The following RSRC1 variants were observed in gnomAD, a reference collection of about 807,000 sequenced individuals.
The protein encoded by RSRC1 is arginine and serine rich coiled-coil 1.
A neutral mutation model predicts 49.1 loss-of-function variants in RSRC1; 39 were observed. That is an observed-to-expected ratio of 0.79 (90% CI 0.61 to 1.04). RSRC1 has a LOEUF of 1.04. Ranked by LOEUF, RSRC1 falls within the 50% of genes least tolerant of loss-of-function variation. The pLI, the probability that RSRC1 is intolerant of heterozygous loss-of-function variation, is 0.00. For missense variants in RSRC1, 388 were observed against 402.4 expected (o/e 0.96, Z 0.31); for synonymous variants, 143 against 130.8 (o/e 1.09, Z -0.63).
chr3:158,156,270 A>G (rs1394179596), intron 3 of RSRC1, among the ~76,000 whole-genome samples: 1 of 151,774 alleles, frequency 6.6e-6, no homozygotes, highest in Non-Finnish European at 1.5e-5. Context: ...TAGCTTTCTC[A>G]CCTCTTTTAG....
At chr3:158,481,342 C>A (rs929016516) in intron 7 of RSRC1, among the ~76,000 whole-genome samples, 2 of 152,044 alleles carry the variant, frequency 1.3e-5, no homozygotes, top group Non-Finnish European at 2.9e-5. Flanking sequence ...ATAGCTAAAC[C>A]CTAACCACAG....
intron 4 of RSRC1, among the ~76,000 whole-genome samples, chr3:158,296,649 T>C (rs570863622): frequency 2.6e-5 from 4 of 152,064 alleles, no homozygotes; most frequent in Non-Finnish European, 4.4e-5. Context: ...TTTATATAGA[T>C]AGTAGCCTTC....
chr3:158,357,966 GA>G, intron 6 of RSRC1, among the ~76,000 whole-genome samples: 1 of 152,142 alleles, frequency 6.6e-6, no homozygotes, highest in East Asian at 1.9e-4. Flanking sequence ...AGTCCCAGAA[GA>G]AAGTTTTATA....
chr3:158,540,860 A>G (rs1427506191), intron 8 of RSRC1, among the ~76,000 whole-genome samples: 1 of 152,190 alleles, frequency 6.6e-6, no homozygotes, highest in African/African-American at 2.4e-5. Flanking sequence ...ATAAACAGCT[A>G]TAGAACTTGA....
At chr3:158,348,689 T>A (rs1171173749) in intron 5 of RSRC1, among the ~76,000 whole-genome samples, 2 of 152,116 alleles carry the variant, frequency 1.3e-5, no homozygotes, top group African/African-American at 4.8e-5. Context: ...ATCCACATAT[T>A]GGACATTGTA....
intron 7 of RSRC1, chr3:158,469,734 C>T (rs1738043092): frequency 6.6e-6 from 1 of 152,066 alleles, no homozygotes; most frequent in African/African-American, 2.4e-5. Context: ...TGGTAAGTGC[C>T]TGAATCAGGC....
intron 5 of RSRC1, among the ~76,000 whole-genome samples, chr3:158,329,163 T>C (rs1181319920): frequency 1.3e-5 from 2 of 152,224 alleles, no homozygotes; most frequent in Non-Finnish European, 2.9e-5. Context: ...GGTTTTTATC[T>C]TCTTTGCATT....
intron 5 of RSRC1, among the ~76,000 whole-genome samples, chr3:158,345,949 A>AT (rs1296366743): frequency 5.3e-5 from 8 of 151,708 alleles, no homozygotes; most frequent in African/African-American, 1.9e-4. Flanking sequence ...TGCTGGAACA[A>AT]TTGGATAGCC....
At chr3:158,136,863 A>C (rs1282797890) in intron 3 of RSRC1, 1 of 152,186 alleles carries the variant, frequency 6.6e-6, no homozygotes, top group Non-Finnish European at 1.5e-5. Flanking sequence ...CGTTTGCTTG[A>C]GGATAATAAG....
intron 7 of RSRC1, among the ~76,000 whole-genome samples, chr3:158,495,232 A>G (rs1434661834): frequency 6.6e-6 from 1 of 152,112 alleles, no homozygotes. Flanking sequence ...TTCTTCATAT[A>G]AAGCAAGATC....
chr3:158,376,259 T>C (rs964699541), intron 6 of RSRC1, among the ~76,000 whole-genome samples: 4 of 146,510 alleles, frequency 2.7e-5, no homozygotes, highest in African/African-American at 1.0e-4. Context: ...TGGTGCAATA[T>C]TGGCTCACTG....
intron 6 of RSRC1, among the ~76,000 whole-genome samples, chr3:158,367,916 A>G (rs1458671395): frequency 1.3e-5 from 2 of 152,214 alleles, no homozygotes; most frequent in Non-Finnish European, 2.9e-5. Context: ...AAAAGATAAA[A>G]TTGGTGTGTC....
chr3:158,350,514 A>G (rs1730814759), intron 5 of RSRC1, among the ~76,000 whole-genome samples: 1 of 152,182 alleles, frequency 6.6e-6, no homozygotes, highest in African/African-American at 2.4e-5. Context: ...TAGAGGTTCA[A>G]GATCAAAGTG....
intron 4 of RSRC1, among the ~76,000 whole-genome samples, chr3:158,229,011 AAC>A (rs1322237118): frequency 1.8e-3 from 178 of 97,480 alleles, no homozygotes; most frequent in African/African-American, 9.2e-3. Context: ...TGTGTGTATA[AAC>A]ACACATACGT....
rs187171441 is a variant in RSRC1, at chr3:158,530,945, A to C, written c.653-6147A>C. On this transcript the variant is annotated intron_variant, in intron 7 of 9. Transcript: ENST00000611884. ...AAAAAGAAACTTAAAAAAAAAAAAAAAACTCACCACTGAAAGACATTTAAT... is the reference window on the plus strand; with the variant it reads ...AAAAAGAAACTTAAAAAAAAAAAAACAACTCACCACTGAAAGACATTTAAT... 5.8e-3 allele frequency among the ~76,000 whole-genome samples: 868 copies of C among 149,938 alleles called. 9 individuals carry two copies. The highest frequency in any genetic ancestry group is 7.1e-3 in the Non-Finnish European group (477 of 67,394).
intron 3 of RSRC1, among the ~76,000 whole-genome samples, chr3:158,166,619 C>T (rs1183719892): frequency 1.3e-5 from 2 of 152,040 alleles, no homozygotes; most frequent in Non-Finnish European, 2.9e-5. Context: ...ATTTAGTTCC[C>T]TTAACAAGTT....
chr3:158,205,407 G>T (rs1002899346), intron 4 of RSRC1, among the ~76,000 whole-genome samples: 12 of 152,170 alleles, frequency 7.9e-5, no homozygotes, highest in Non-Finnish European at 1.8e-4. Flanking sequence ...TATCAAATAT[G>T]CACATTCATT....
intron 3 of RSRC1, among the ~76,000 whole-genome samples, chr3:158,179,085 A>C (rs1719434168): frequency 6.6e-6 from 1 of 152,174 alleles, no homozygotes; most frequent in Non-Finnish European, 1.5e-5. Context: ...CTGCAAATAA[A>C]AATTGTTTTA....
rs1314697541 is a variant in RSRC1 at position 158,294,718 on chromosome 3, TAAATA to T, written c.495-3318_495-3314del. Reference sequence around the variant, plus strand: ...ACACCCTCAAAAACAGTAAAAAAAATAAATAAATAACCACCCACACCCTACACATG... The same window carrying T: ...ACACCCTCAAAAACAGTAAAAAAAATAATAACCACCCACACCCTACACATG... On this transcript the variant is annotated intron_variant, in intron 4 of 9. Transcript: ENST00000611884. 2.0e-5 allele frequency among the ~76,000 whole-genome samples: 3 copies of T among 151,784 alleles called. No homozygotes were observed. In the East Asian group the frequency reaches 6.0e-4, roughly 31 times the overall value.
Sources: gnomAD v4.1 joint callset for allele counts (sites outside exome capture counted in the v4.1 genomes callset) on GRCh38, gnomAD v4.1.1 for gene constraint, MANE v1.5 for transcripts, NCBI Gene and HGNC (gene_info 2026-07-23, HGNC 2026-07-21) for gene names.